Variants in DOCK3 observed in about 807,000 individuals in gnomAD.
DOCK3 encodes dedicator of cytokinesis protein 3.
DOCK3 carries 60 observed loss-of-function variants against 265.6 expected under a neutral mutation model. The ratio of observed to expected loss-of-function variants is 0.23; its 90% CI spans 0.18 to 0.28. The LOEUF (loss-of-function observed/expected upper bound fraction) is 0.28. Among genes scored for constraint, DOCK3 ranks in the 10% least tolerant of loss-of-function variants. The pLI, the probability that DOCK3 is intolerant of heterozygous loss-of-function variation, is 1.00. For missense variants in DOCK3, 1,981 were observed against 2,594.3 expected (o/e 0.76, Z 5.14); for synonymous variants, 881 against 938.0 (o/e 0.94, Z 1.11).
At chr3:51,006,891 G>A (rs979563296) in intron 5 of DOCK3, among the ~76,000 whole-genome samples, 3 of 152,148 alleles carry the variant, frequency 2.0e-5, no homozygotes, top group African/African-American at 7.2e-5. Flanking sequence ...TTCTGTCCTT[G>A]CGATAGTTTG....
chr3:50,803,823 C>T (rs554435935), intron 2 of DOCK3, among the ~76,000 whole-genome samples: 32 of 151,416 alleles, frequency 2.1e-4, no homozygotes, highest in Non-Finnish European at 1.9e-4. Context: ...GAAGGGGCAG[C>T]TGGCCGGGTT....
rs11399207 is a variant in DOCK3, at chr3:51,164,623, C to CAAA, written c.1037+3937_1037+3939dup. On this transcript the variant is annotated intron_variant, in intron 12 of 52. Coordinates refer to ENST00000266037, the MANE Select transcript of DOCK3 (RefSeq NM_004947.5). ...TAGGTGACAGAGCGAGACTCCGTCT[C>CAAA]AAAAAAAAAAAAAAAAAAGGAGGAG... Among the ~76,000 whole-genome samples, 99 of 106,296 alleles carry CAAA rather than the reference C, an allele frequency of 9.3e-4. 1 individual carries two copies. The East Asian group carries it at 0.013, about 14-fold the overall frequency. The allele number at this position is 106,296 out of a possible 152,430, so 69.7% of individuals were successfully genotyped here.
At chr3:51,205,957 T>C (rs1021967365) in intron 12 of DOCK3, among the ~76,000 whole-genome samples, 1 of 152,226 alleles carries the variant, frequency 6.6e-6, no homozygotes, top group African/African-American at 2.4e-5. Context: ...AAACAATCTT[T>C]CCTTTGAAGC....
chr3:51,296,539 C>T (rs1180642918), intron 27 of DOCK3, among the ~76,000 whole-genome samples: 2 of 149,918 alleles, frequency 1.3e-5, no homozygotes, highest in East Asian at 2.0e-4. Context: ...TGCAGTGGCG[C>T]GATCTCGGCT....
chr3:50,759,916 A>T (rs1279041009), intron 1 of DOCK3, among the ~76,000 whole-genome samples: 3 of 151,480 alleles, frequency 2.0e-5, no homozygotes, highest in Non-Finnish European at 2.9e-5. Flanking sequence ...TTATCCTGTC[A>T]GTTAATTCCT....
At chr3:51,017,124 G>T (rs1234329659) in intron 5 of DOCK3, among the ~76,000 whole-genome samples, 1 of 149,110 alleles carries the variant, frequency 6.7e-6, no homozygotes, top group African/African-American at 2.5e-5. Context: ...ATGTGTCTAG[G>T]AATTTATTCA....
At chr3:51,163,572 G>C (rs1273346292) in intron 12 of DOCK3, among the ~76,000 whole-genome samples, 1 of 151,962 alleles carries the variant, frequency 6.6e-6, no homozygotes, top group African/African-American at 2.4e-5. Context: ...CAGGCACAGG[G>C]CATGCTGTAC....
chr3:51,074,525 GT>G (rs2081987871), intron 6 of DOCK3, among the ~76,000 whole-genome samples: 1 of 152,086 alleles, frequency 6.6e-6, no homozygotes, highest in South Asian at 2.1e-4. Context: ...TTTATCTAAT[GT>G]TTCTTAAAAT....
At chr3:50,776,302 T>C (rs924943925) in intron 1 of DOCK3, among the ~76,000 whole-genome samples, 3 of 152,174 alleles carry the variant, frequency 2.0e-5, no homozygotes, top group Admixed American at 6.6e-5. Context: ...TGGTGTCTTA[T>C]TGTGGTTTTA....
At chr3:50,735,965 T>C (rs994685417) in intron 1 of DOCK3, among the ~76,000 whole-genome samples, 2 of 152,160 alleles carry the variant, frequency 1.3e-5, no homozygotes, top group African/African-American at 4.8e-5. Context: ...GTTTGTTACA[T>C]ATGTATACAT....
At chr3:50,957,019 C>G (rs2108356342) in intron 5 of DOCK3, among the ~76,000 whole-genome samples, 1 of 152,290 alleles carries the variant, frequency 6.6e-6, no homozygotes, top group South Asian at 2.1e-4. Context: ...CCTGCCTTGC[C>G]CTCCCAAAGT....
At chr3:51,310,435 C>A in intron 28 of DOCK3, 109 bp downstream of exon 28, 1 of 999,622 alleles carries the variant, frequency 1.0e-6, no homozygotes, top group Non-Finnish European at 1.5e-6. Flanking sequence ...AAGGCCAGGG[C>A]CATGGGAACA....
intron 9 of DOCK3, among the ~76,000 whole-genome samples, chr3:51,136,343 C>T (rs1352390034): frequency 6.6e-6 from 1 of 152,060 alleles, no homozygotes; most frequent in African/African-American, 2.4e-5. Flanking sequence ...TCTCCTGCCT[C>T]AGCCTCCTGA....
chr3:51,037,776 A>C (rs972333328), intron 5 of DOCK3, among the ~76,000 whole-genome samples: 3 of 152,218 alleles, frequency 2.0e-5, no homozygotes, highest in African/African-American at 7.2e-5. Context: ...CTTTAGAACT[A>C]TCAGAAATAG....
chr3:51,022,498 C>G (rs951885451), intron 5 of DOCK3, among the ~76,000 whole-genome samples: 3 of 152,142 alleles, frequency 2.0e-5, no homozygotes, highest in Non-Finnish European at 4.4e-5. Context: ...CTTTCTGGAA[C>G]TCCAGTTACA....
chr3:50,678,056 C>G (rs560584944), intron 1 of DOCK3, among the ~76,000 whole-genome samples: 81 of 152,046 alleles, frequency 5.3e-4, no homozygotes, highest in Non-Finnish European at 5.3e-4. Flanking sequence ...GAAACTGGAT[C>G]CCAAAGGTTG....
chr3:50,916,905 G>A (rs192850630), intron 4 of DOCK3, among the ~76,000 whole-genome samples: 159 of 151,908 alleles, frequency 1.0e-3, no homozygotes, highest in Admixed American at 1.8e-3. Flanking sequence ...TTTATGAGGG[G>A]GACAAGTGCT....
At chr3:50,911,703 T>TGAGAGA (rs4028309) in intron 4 of DOCK3, among the ~76,000 whole-genome samples, 62 of 150,122 alleles carry the variant, frequency 4.1e-4, no homozygotes, top group African/African-American at 1.4e-3. Flanking sequence ...AATTGTTTTT[T>TGAGAGA]GAGAGAGAGA....
chr3:51,165,494 C>T (rs771966276), intron 12 of DOCK3, among the ~76,000 whole-genome samples: 23 of 152,136 alleles, frequency 1.5e-4, no homozygotes, highest in Admixed American at 5.2e-4. Context: ...TACAATATAG[C>T]GTTATTAACT....
Sources: gnomAD v4.1 joint callset for allele counts (sites outside exome capture counted in the v4.1 genomes callset) on GRCh38, gnomAD v4.1.1 for gene constraint, MANE v1.5 for transcripts, NCBI Gene and HGNC (gene_info 2026-07-23, HGNC 2026-07-21) for gene names.